AGPAT3: variants seen among roughly 807,000 people sequenced by gnomAD.
The protein encoded by AGPAT3 is 1-acylglycerol-3-phosphate O-acyltransferase 3.
AGPAT3 carries 5 observed loss-of-function variants against 47.3 expected under a neutral mutation model. The observed-to-expected ratio is 0.11, with a 90% confidence interval of 0.06 to 0.22. AGPAT3 has a LOEUF of 0.22. AGPAT3 is among the 10% of genes least tolerant of loss of function. The pLI, the probability that AGPAT3 is intolerant of heterozygous loss-of-function variation, is 1.00. For synonymous variants in AGPAT3, 212 were observed against 208.3 expected, an observed-to-expected ratio of 1.02 and a Z score of -0.15; for missense variants, 315 against 493.0, an observed-to-expected ratio of 0.64 and a Z score of 3.42.
In AGPAT3 at chr21:43,934,391, C is replaced by T. The variant is rs759875686; in HGVS notation, c.-48-25243C>T. On this transcript the variant is annotated intron_variant, in intron 2 of 9. Transcript: ENST00000291572. This position sits in a 1 kb window ranked among gnomAD's most constrained non-coding sequence, Gnocchi z 4.7. ...ACTTCATAAGAGGCCACAGAGGCTCCGCAAGTCCCCAGGCCGTCGGCTGCC... is the reference window on the plus strand; with the variant it reads ...ACTTCATAAGAGGCCACAGAGGCTCTGCAAGTCCCCAGGCCGTCGGCTGCC... 1.3e-4 allele frequency among the ~76,000 whole-genome samples: 20 copies of T among 152,324 alleles called. No individual in the cohort carries two copies. The highest frequency in any genetic ancestry group is 6.8e-3 in the Middle Eastern group (2 of 294).
intron 7 of AGPAT3, among the ~76,000 whole-genome samples, chr21:43,972,262 A>G (rs1008441200): frequency 1.1e-4 from 16 of 152,134 alleles, no homozygotes; most frequent in African/African-American, 3.9e-4. Context: ...CTCCTGTCTC[A>G]GCCTCCTGAG....
Position 43,984,886 on chromosome 21 carries a change from C to T in AGPAT3, c.*2494C>T, listed in dbSNP as rs967518083. 39 of 346,526 alleles carry T rather than the reference C, an allele frequency of 1.1e-4. No individual in the cohort carries two copies. Among genetic ancestry groups the T allele is most frequent in the Admixed American group, 6.5e-4 (16 of 24,688 alleles). 21.5% of individuals were successfully genotyped at this position (346,526 alleles called of 1,614,324 possible). A position where few individuals can be genotyped will look rare whatever the true frequency, so the allele number is the denominator to read the frequency against. On this transcript the variant is annotated 3_prime_UTR_variant, in exon 10 of 10. Transcript: ENST00000291572. ...GCTGAGTGCTCAGGCTGAAGCAACT[C>T]TGTAGCCCACAGTCCGTGCTGGCCA...
intron 2 of AGPAT3, among the ~76,000 whole-genome samples, chr21:43,910,840 G>T (rs773054729): frequency 1.3e-5 from 2 of 152,154 alleles, no homozygotes; most frequent in Non-Finnish European, 2.9e-5. Flanking sequence ...AGGCTGTACT[G>T]TTCCAACCAC....
At chr21:43,903,253 C>T (rs1025841212) in intron 1 of AGPAT3, among the ~76,000 whole-genome samples, 3 of 151,992 alleles carry the variant, frequency 2.0e-5, no homozygotes, top group Admixed American at 6.6e-5. Context: ...CAGGGGCTAG[C>T]GGGGATGGGG....
At position 43,939,046 on chromosome 21, in the gene AGPAT3, G is replaced by T. The variant is rs975542986; in HGVS notation, c.-48-20588G>T. Among the ~76,000 whole-genome samples the T allele has an allele frequency of 1.3e-5, 2 of 152,198 alleles. No homozygotes were observed. The highest frequency in any genetic ancestry group is 2.4e-5 in the African/African-American group (1 of 41,444). On this transcript the variant is annotated intron_variant, in intron 2 of 9. Coordinates refer to ENST00000291572, the MANE Select transcript of AGPAT3 (RefSeq NM_020132.5). The surrounding 1 kb of genome is among the most constrained non-coding windows in gnomAD (Gnocchi z 4.4). ...CAGTCCACAGTTTCCCACAGAGCAC[G>T]CAGGGGCCGCACCAGGGCTGGGACG...
chr21:43,964,749 C>A (rs1208161994), intron 3 of AGPAT3, among the ~76,000 whole-genome samples: 1 of 152,164 alleles, frequency 6.6e-6, no homozygotes, highest in Non-Finnish European at 1.5e-5. Flanking sequence ...TCGGCCTCTC[C>A]ATCTGCTGGG....
At position 43,869,904 on chromosome 21, in the gene AGPAT3, C is replaced by G. The variant is rs190254648; in HGVS notation, c.-112+4559C>G. 2.0e-3 allele frequency among the ~76,000 whole-genome samples: 304 copies of G among 152,368 alleles called. 4 individuals carry two copies. The highest frequency in any genetic ancestry group is 6.7e-3 in the African/African-American group (279 of 41,588). ...CATGTATTTTAGAGGTGGGGCCTCA[C>G]TGTGTTGCCCAGGCTGGACTCAAAC... On this transcript the variant is annotated intron_variant, in intron 1 of 9. Transcript: ENST00000291572.
At chr21:43,886,276 TG>T (rs1224368668) in intron 1 of AGPAT3, among the ~76,000 whole-genome samples, 2 of 152,086 alleles carry the variant, frequency 1.3e-5, no homozygotes, top group Non-Finnish European at 2.9e-5. Flanking sequence ...TTTTTAAAGA[TG>T]GAGTCTTGCT....
At chr21:43,882,547 A>G (rs1222030310) in intron 1 of AGPAT3, 2 of 152,234 alleles carry the variant, frequency 1.3e-5, no homozygotes, top group Non-Finnish European at 2.9e-5. Flanking sequence ...TCCAGTGTCT[A>G]TGAAACCAAC....
At chr21:43,866,898 A>G (rs904838749) in intron 1 of AGPAT3, among the ~76,000 whole-genome samples, 14 of 152,230 alleles carry the variant, frequency 9.2e-5, no homozygotes, top group Admixed American at 8.5e-4. Flanking sequence ...GGTTAAAGGC[A>G]GTGTGGCCGG....
intron 1 of AGPAT3, among the ~76,000 whole-genome samples, chr21:43,875,969 G>C (rs2085725280): frequency 6.6e-6 from 1 of 150,952 alleles, no homozygotes; most frequent in Non-Finnish European, 1.5e-5. Flanking sequence ...TTTTTTTGTT[G>C]GTAGAGATGG....
At chr21:43,928,643 G>A (rs117917246) in intron 2 of AGPAT3, among the ~76,000 whole-genome samples, 2 of 152,344 alleles carry the variant, frequency 1.3e-5, no homozygotes, top group East Asian at 3.9e-4. Context: ...CGTGATAATT[G>A]TTCCAACAGA....
chr21:43,977,953 C>G (rs2089682704), intron 7 of AGPAT3, 93 bp from the exon 8 acceptor site: 1 of 979,600 alleles, frequency 1.0e-6, no homozygotes, highest in African/African-American at 1.6e-5. Flanking sequence ...GGCCCATAGG[C>G]CACCCTGGCA....
rs999778824 is a variant in AGPAT3 at position 43,982,269 on chromosome 21, G to A, written c.1043-35G>A. ...TTACAGCAAAAAGGCAAAGTCATCC[G>A]TCTCACCTCTTCTCTCTCTCTCCTG... On this transcript the variant is annotated intron_variant, in intron 9 of 9. Coordinates refer to ENST00000291572, the MANE Select transcript of AGPAT3 (RefSeq NM_020132.5). The surrounding 1 kb of genome is among the most constrained non-coding windows in gnomAD (Gnocchi z 6.2). The A allele has an allele frequency of 6.4e-6, 10 of 1,551,822 alleles. No homozygotes were observed. The highest frequency in any genetic ancestry group is 1.7e-5 in the Admixed American group (1 of 57,684).
Position 43,982,179 on chromosome 21 carries a change from G to A in AGPAT3, c.1043-125G>A. On this transcript the variant is annotated intron_variant, in intron 9 of 9. Coordinates refer to ENST00000291572, the MANE Select transcript of AGPAT3 (RefSeq NM_020132.5). The surrounding 1 kb of genome is among the most constrained non-coding windows in gnomAD (Gnocchi z 6.2). ...GCCACACCTACTCACTGACAGCAGAGGCCACTGGGTGCGGGGCAGAGGGAC... is the reference window on the plus strand; with the variant it reads ...GCCACACCTACTCACTGACAGCAGAAGCCACTGGGTGCGGGGCAGAGGGAC... 1.4e-6 allele frequency: 1 copy of A among 699,300 alleles called. No individual in the cohort carries two copies. 43.3% of individuals were successfully genotyped at this position (699,300 alleles called of 1,614,324 possible). A position where few individuals can be genotyped will look rare whatever the true frequency, so the allele number is the denominator to read the frequency against.
Position 43,985,135 on chromosome 21 carries a change from G to T in AGPAT3, c.*2743G>T, listed in dbSNP as rs1011079452. On this transcript the variant is annotated 3_prime_UTR_variant, in exon 10 of 10. Coordinates refer to ENST00000291572, the MANE Select transcript of AGPAT3 (RefSeq NM_020132.5). ...TGGGCCGTGGTCTCCTGGGGACGCC[G>T]CTGGCCTCCCAGCTTAGGCCCAGGT... is the stretch of plus-strand genomic sequence containing the variant. 6 of 456,132 alleles carry T rather than the reference G, an allele frequency of 1.3e-5. No individual in the cohort carries two copies. The highest frequency in any genetic ancestry group is 1.2e-4 in the African/African-American group (6 of 50,076). 28.3% of individuals were successfully genotyped at this position (456,132 alleles called of 1,614,324 possible).
In AGPAT3 at chr21:43,922,730, G is replaced by A. The variant is rs1304542335; in HGVS notation, c.-49+18711G>A. On this transcript the variant is annotated intron_variant, in intron 2 of 9. Transcript: ENST00000291572. The surrounding 1 kb of genome is among the most constrained non-coding windows in gnomAD (Gnocchi z 4.9). ...CTGTGGCTCAGGAGCCATGTGCCAGGCAGGGCACTCCGTCAGTGTAGGGTC... is the reference window on the plus strand; with the variant it reads ...CTGTGGCTCAGGAGCCATGTGCCAGACAGGGCACTCCGTCAGTGTAGGGTC... 6.6e-6 allele frequency among the ~76,000 whole-genome samples: 1 copy of A among 151,858 alleles called. No individual in the cohort carries two copies. Among genetic ancestry groups the A allele is most frequent in the Non-Finnish European group, 1.5e-5 (1 of 68,018 alleles).
chr21:43,917,954 T>G (rs1185128919), intron 2 of AGPAT3, among the ~76,000 whole-genome samples: 2 of 49,650 alleles, frequency 4.0e-5, no homozygotes, highest in South Asian at 9.0e-4. Context: ...GTGGGGGTTG[T>G]AGGGGGTGTG....
intron 1 of AGPAT3, among the ~76,000 whole-genome samples, chr21:43,897,631 C>T (rs8126874): frequency 0.026 from 3,778 of 147,564 alleles, 351 homozygotes; most frequent in African/African-American, 0.074. Flanking sequence ...AGGGGGCGGC[C>T]GGGCAGAGGC....
Sources: allele counts gnomAD v4.1 joint callset (sites outside exome capture counted in the v4.1 genomes callset), GRCh38; gene constraint gnomAD v4.1.1; non-coding constraint Gnocchi (gnomAD v3.1); transcripts MANE v1.5; gene names NCBI Gene and HGNC (gene_info 2026-07-23, HGNC 2026-07-21).